SLC14A2: variants seen among roughly 807,000 people sequenced by gnomAD.
The protein encoded by SLC14A2 is urea transporter 2.
Under a neutral mutation model 104.6 loss-of-function variants are expected in SLC14A2, and 91 were observed. The observed-to-expected ratio is 0.87, with a 90% CI of 0.73 to 1.04. The LOEUF (loss-of-function observed/expected upper bound fraction) is 1.04, where lower values mean the gene tolerates loss of function less well. SLC14A2 is among the 50% of genes least tolerant of loss of function. The probability of loss-of-function intolerance (pLI) is 0.00; values close to 1 mark genes in which losing one functional copy is unlikely to be tolerated. For synonymous variants in SLC14A2, 476 were observed against 466.4 expected (o/e 1.02, Z -0.27); for missense variants, 1,189 against 1,156.0 (o/e 1.03, Z -0.41).
At chr18:45,302,175 A>G (rs1012595202) in intron 1 of SLC14A2, among the ~76,000 whole-genome samples, 4 of 152,234 alleles carry the variant, frequency 2.6e-5, no homozygotes, top group Admixed American at 6.5e-5. Flanking sequence ...TCAAAAATAT[A>G]GCATCATTCA....
chr18:45,459,922 C>A (rs1266758720), intron 1 of SLC14A2, among the ~76,000 whole-genome samples: 1 of 152,212 alleles, frequency 6.6e-6, no homozygotes, highest in African/African-American at 2.4e-5. Flanking sequence ...CTCAACCTCC[C>A]CTTTGCCACA....
At chr18:45,329,433 G>A (rs1486695715) in intron 1 of SLC14A2, among the ~76,000 whole-genome samples, 1 of 152,144 alleles carries the variant, frequency 6.6e-6, no homozygotes, top group African/African-American at 2.4e-5. Context: ...TCAATTTGCA[G>A]ACTACAACAC....
chr18:45,450,624 C>T (rs529885807), intron 1 of SLC14A2, among the ~76,000 whole-genome samples: 1 of 152,336 alleles, frequency 6.6e-6, no homozygotes, highest in East Asian at 1.9e-4. Flanking sequence ...ATGAGTACCA[C>T]TGCAGGGGAT....
intron 2 of SLC14A2, among the ~76,000 whole-genome samples, chr18:45,585,440 G>A (rs528470234): frequency 2.0e-5 from 3 of 152,254 alleles, no homozygotes; most frequent in African/African-American, 4.8e-5. Context: ...GCACACAATA[G>A]GTCCTCAACA....
At chr18:45,344,063 A>G (rs548686547) in intron 1 of SLC14A2, among the ~76,000 whole-genome samples, 1 of 152,362 alleles carries the variant, frequency 6.6e-6, no homozygotes, top group African/African-American at 2.4e-5. Context: ...TCATCAAAGT[A>G]TGTGAAAGCC....
intron 18 of SLC14A2, among the ~76,000 whole-genome samples, chr18:45,676,903 T>C (rs1008779587): frequency 1.1e-4 from 17 of 152,242 alleles, no homozygotes; most frequent in African/African-American, 3.9e-4. Flanking sequence ...CACCACACTG[T>C]TTCCTGAAGC....
chr18:45,208,286 T>C (rs1056543401), upstream of SLC14A2, among the ~76,000 whole-genome samples: 3 of 152,250 alleles, frequency 2.0e-5, no homozygotes, highest in African/African-American at 7.2e-5. Flanking sequence ...TTCTTTGAAG[T>C]ATGCCTAACT....
chr18:45,410,446 C>A (rs992669560), intron 1 of SLC14A2, among the ~76,000 whole-genome samples: 1 of 152,030 alleles, frequency 6.6e-6, no homozygotes, highest in African/African-American at 2.4e-5. Flanking sequence ...ACTAAATATG[C>A]GTTACTGCCT....
At chr18:45,262,154 G>A (rs1157612029) in intron 1 of SLC14A2, among the ~76,000 whole-genome samples, 10 of 152,030 alleles carry the variant, frequency 6.6e-5, no homozygotes, top group Non-Finnish European at 1.3e-4. Flanking sequence ...TTCTCTGATG[G>A]CCAGTGATGA....
At chr18:45,421,433 G>A (rs1017775831) in intron 1 of SLC14A2, among the ~76,000 whole-genome samples, 1 of 152,060 alleles carries the variant, frequency 6.6e-6, no homozygotes, top group Non-Finnish European at 1.5e-5. Context: ...ATTGATTCTT[G>A]GGAAGCACGC....
At chr18:45,257,443 TA>T (rs2084491063) in intron 1 of SLC14A2, among the ~76,000 whole-genome samples, 1 of 152,238 alleles carries the variant, frequency 6.6e-6, no homozygotes, top group Non-Finnish European at 1.5e-5. Context: ...TGCTAATTCT[TA>T]AGTTCTTCCT....
chr18:45,353,136 T>C (rs2085519125), intron 1 of SLC14A2, among the ~76,000 whole-genome samples: 1 of 152,242 alleles, frequency 6.6e-6, no homozygotes, highest in Non-Finnish European at 1.5e-5. Flanking sequence ...AGTTAGGTTT[T>C]CTGTCTTCTC....
intron 1 of SLC14A2, among the ~76,000 whole-genome samples, chr18:45,298,145 T>TTA (rs2084934394): frequency 6.6e-6 from 1 of 152,074 alleles, no homozygotes; most frequent in African/African-American, 2.4e-5. Context: ...AGCATCTTTT[T>TTA]AAAAAAATAT....
At chr18:45,466,519 A>G (rs2144655068) in intron 1 of SLC14A2, among the ~76,000 whole-genome samples, 1 of 149,702 alleles carries the variant, frequency 6.7e-6, no homozygotes, top group East Asian at 2.0e-4. Flanking sequence ...TTGAGGCATG[A>G]GTTCAAAATG....
At chr18:45,340,959 A>G (rs972489315) in intron 1 of SLC14A2, among the ~76,000 whole-genome samples, 1 of 152,186 alleles carries the variant, frequency 6.6e-6, no homozygotes, top group African/African-American at 2.4e-5. Flanking sequence ...CAGTCCCTTA[A>G]CAATAGAGTT....
chr18:45,192,484 A>G, the SLC14A2 span, among the ~76,000 whole-genome samples: 23 of 152,172 alleles, frequency 1.5e-4, no homozygotes, highest in African/African-American at 5.5e-4. Flanking sequence ...AGGTTTTAAG[A>G]AATGCTACAT....
chr18:45,392,240 T>C (rs781410694), intron 1 of SLC14A2, among the ~76,000 whole-genome samples: 4 of 152,116 alleles, frequency 2.6e-5, no homozygotes, highest in Non-Finnish European at 2.9e-5. Flanking sequence ...GCTGCTGAGG[T>C]CTCCCCAACA....
intron 1 of SLC14A2, among the ~76,000 whole-genome samples, chr18:45,414,784 A>G (rs1216984822): frequency 3.0e-5 from 4 of 133,792 alleles, no homozygotes; most frequent in Non-Finnish European, 4.7e-5. Flanking sequence ...ATATATATAT[A>G]TATATATATA....
intron 1 of SLC14A2, among the ~76,000 whole-genome samples, chr18:45,227,068 G>T (rs2084126318): frequency 6.6e-6 from 1 of 152,086 alleles, no homozygotes; most frequent in African/African-American, 2.4e-5. Flanking sequence ...GAAAAAGTTG[G>T]TGCCAGCACT....
Sources: gnomAD v4.1 joint callset for allele counts (sites outside exome capture counted in the v4.1 genomes callset) on GRCh38, gnomAD v4.1.1 for gene constraint, MANE v1.5 for transcripts, NCBI Gene and HGNC (gene_info 2026-07-23, HGNC 2026-07-21) for gene names.